Variants in CSMD1 observed in about 807,000 individuals in gnomAD.
CSMD1 encodes CUB and sushi domain-containing protein 1.
A neutral mutation model predicts 417.5 loss-of-function variants in CSMD1; 213 were observed. That is an observed-to-expected ratio of 0.51 (90% CI 0.46 to 0.57). CSMD1 has a LOEUF of 0.57. Ranked by LOEUF, CSMD1 falls within the 20% of genes least tolerant of loss-of-function variation. CSMD1 has a pLI of 0.00. For synonymous variants in CSMD1, 2,862 were observed against 1,736.8 expected (o/e 1.65, Z -16.11); for missense variants, 6,923 against 4,529.7 (o/e 1.53, Z -15.17).
At chr8:4,650,111 C>G (rs142606550) in intron 1 of CSMD1, among the ~76,000 whole-genome samples, 94 of 152,122 alleles carry the variant, frequency 6.2e-4, no homozygotes, top group African/African-American at 2.1e-3. Flanking sequence ...TTTGGGAGGC[C>G]GAGGCGGGCG....
intron 23 of CSMD1, among the ~76,000 whole-genome samples, chr8:3,335,863 A>T (rs1398208895): frequency 2.0e-5 from 3 of 152,110 alleles, no homozygotes; most frequent in African/African-American, 7.2e-5. Flanking sequence ...CAGAGAGGTG[A>T]ATTCATGGAT....
At chr8:4,011,747 T>C (rs1433252236) in intron 4 of CSMD1, among the ~76,000 whole-genome samples, 1 of 152,180 alleles carries the variant, frequency 6.6e-6, no homozygotes, top group African/African-American at 2.4e-5. Context: ...TTTTCTCATT[T>C]TCTCCCAGTG....
intron 3 of CSMD1, among the ~76,000 whole-genome samples, chr8:4,149,558 G>C (rs764256741): frequency 1.5e-4 from 23 of 152,242 alleles, no homozygotes; most frequent in Middle Eastern, 6.8e-3. Context: ...TTAATTCTAA[G>C]TACAGATCAA....
intron 30 of CSMD1, 140 bp from the exon 31 acceptor site, chr8:3,205,760 A>T (rs1797217992): frequency 2.1e-6 from 1 of 484,666 alleles, no homozygotes; most frequent in Non-Finnish European, 3.6e-6. Flanking sequence ...CTTGTTTTGC[A>T]TTGCTATCAA....
chr8:4,242,004 C>G (rs953808285), intron 3 of CSMD1, among the ~76,000 whole-genome samples: 4 of 152,130 alleles, frequency 2.6e-5, no homozygotes, highest in East Asian at 1.9e-4. Flanking sequence ...GTAAATGAGA[C>G]CAATTCATCT....
chr8:3,726,867 A>G (rs1350986823), intron 6 of CSMD1, among the ~76,000 whole-genome samples: 1 of 152,230 alleles, frequency 6.6e-6, no homozygotes, highest in African/African-American at 2.4e-5. Context: ...GCCCAAAGAT[A>G]GATTTCCTGT....
intron 10 of CSMD1, among the ~76,000 whole-genome samples, chr8:3,532,964 A>G (rs538197688): frequency 6.6e-6 from 1 of 152,344 alleles, no homozygotes; most frequent in Admixed American, 6.5e-5. Context: ...GTAGAGTCTC[A>G]TACAATCACC....
At chr8:4,784,847 T>C (rs1247775469) in intron 1 of CSMD1, among the ~76,000 whole-genome samples, 2 of 152,190 alleles carry the variant, frequency 1.3e-5, no homozygotes, top group Admixed American at 6.5e-5. Context: ...AAGGATATGA[T>C]TCCATTAAAA....
chr8:3,430,962 C>T lies in CSMD1; in HGVS notation c.1562-21357G>A, dbSNP rs556129480. Among the ~76,000 whole-genome samples the T allele has an allele frequency of 5.9e-5, 9 of 152,218 alleles. No individual in the cohort carries two copies. In the East Asian group the frequency reaches 7.7e-4, roughly 13 times the overall value. ...GACTAGTAAACTGGAGGGTTCAGTT[C>T]GGTCTTTTCTCACTGCATTGTCTGA... On this transcript the variant is annotated intron_variant, in intron 12 of 69. Transcript: ENST00000635120.
intron 5 of CSMD1, among the ~76,000 whole-genome samples, chr8:3,782,506 G>T (rs1352825985): frequency 2.0e-5 from 3 of 152,194 alleles, no homozygotes; most frequent in Admixed American, 2.0e-4. Flanking sequence ...TTAAAAAGGA[G>T]GCTGGGGGAG....
At chr8:3,989,103 G>A (rs951842926) in intron 5 of CSMD1, among the ~76,000 whole-genome samples, 28 of 152,266 alleles carry the variant, frequency 1.8e-4, no homozygotes, top group African/African-American at 6.7e-4. Flanking sequence ...AGCAGTAAAC[G>A]TGCAGCTAGT....
chr8:4,198,068 G>C (rs758377430), intron 3 of CSMD1, among the ~76,000 whole-genome samples: 21 of 152,208 alleles, frequency 1.4e-4, no homozygotes, highest in African/African-American at 4.6e-4. Flanking sequence ...GATTATCAAA[G>C]CGCAAAGCGA....
intron 1 of CSMD1, among the ~76,000 whole-genome samples, chr8:4,813,926 T>C (rs1389476850): frequency 6.6e-6 from 1 of 152,220 alleles, no homozygotes; most frequent in Non-Finnish European, 1.5e-5. Flanking sequence ...TCTTAAATGT[T>C]TGTAATTATA....
intron 5 of CSMD1, among the ~76,000 whole-genome samples, chr8:3,950,544 C>T (rs184953186): frequency 2.0e-5 from 3 of 152,330 alleles, no homozygotes; most frequent in East Asian, 1.9e-4. Flanking sequence ...CATGACAGAG[C>T]CTCAATACAA....
intron 2 of CSMD1, among the ~76,000 whole-genome samples, chr8:4,577,186 G>T (rs150321320): frequency 6.6e-6 from 1 of 151,994 alleles, no homozygotes; most frequent in East Asian, 1.9e-4. Flanking sequence ...TTATTGAAGC[G>T]AGATTTTCTT....
At chr8:4,016,941 T>C (rs912353737) in intron 4 of CSMD1, among the ~76,000 whole-genome samples, 1 of 152,150 alleles carries the variant, frequency 6.6e-6, no homozygotes, top group African/African-American at 2.4e-5. Flanking sequence ...TCTCAAAAGA[T>C]GAAACTCCTT....
chr8:4,172,567 T>C (rs1464614774), intron 3 of CSMD1, among the ~76,000 whole-genome samples: 1 of 152,060 alleles, frequency 6.6e-6, no homozygotes, highest in African/African-American at 2.4e-5. Flanking sequence ...GCTCCACAAA[T>C]CCAGAACTGT....
At chr8:3,499,463 G>A (rs1173805011) in intron 10 of CSMD1, among the ~76,000 whole-genome samples, 1 of 152,112 alleles carries the variant, frequency 6.6e-6, no homozygotes, top group Non-Finnish European at 1.5e-5. Flanking sequence ...GGTCCCTGGG[G>A]AGCATGTGTG....
intron 1 of CSMD1, among the ~76,000 whole-genome samples, chr8:4,969,160 T>C (rs1328370326): frequency 2.6e-5 from 4 of 152,140 alleles, no homozygotes; most frequent in African/African-American, 9.7e-5. Context: ...TATACCATTA[T>C]CATGGGATTG....
Sources: gnomAD v4.1 joint callset for allele counts (sites outside exome capture counted in the v4.1 genomes callset) on GRCh38, gnomAD v4.1.1 for gene constraint, MANE v1.5 for transcripts, NCBI Gene and HGNC (gene_info 2026-07-23, HGNC 2026-07-21) for gene names.